The following AGMO variants were observed in gnomAD, a reference collection of about 807,000 sequenced individuals.
The protein encoded by AGMO is glyceryl-ether monooxygenase.
In AGMO, 75 loss-of-function variants were observed where a neutral mutation model predicts 60.2. The observed-to-expected ratio is 1.25, with a 90% CI of 1.03 to 1.51. AGMO has a LOEUF of 1.51. Ranked by LOEUF, AGMO falls within the 40% of genes most tolerant of loss-of-function variation. The pLI, the probability that AGMO is intolerant of heterozygous loss-of-function variation, is 0.00. For missense variants in AGMO, 763 were observed against 525.5 expected (o/e 1.45, Z -4.42); for synonymous variants, 261 against 177.1 (o/e 1.47, Z -3.76).
intron 12 of AGMO, among the ~76,000 whole-genome samples, chr7:15,229,176 C>T (rs1012059639): frequency 3.3e-5 from 5 of 151,956 alleles, no homozygotes; most frequent in African/African-American, 9.7e-5. Flanking sequence ...ATGTTGCCTC[C>T]GACAAACACA....
intron 3 of AGMO, among the ~76,000 whole-genome samples, chr7:15,436,034 G>A (rs781596278): frequency 6.6e-6 from 1 of 152,148 alleles, no homozygotes; most frequent in Non-Finnish European, 1.5e-5. Flanking sequence ...ACCTTGGAAT[G>A]ATGATGTTGG....
At chr7:15,321,877 C>A (rs1373325514) in intron 12 of AGMO, among the ~76,000 whole-genome samples, 1 of 151,980 alleles carries the variant, frequency 6.6e-6, no homozygotes, top group African/African-American at 2.4e-5. Context: ...ACTCACTCTT[C>A]AGAGCCCTAA....
At chr7:15,133,391 A>C in the AGMO span, among the ~76,000 whole-genome samples, 1 of 152,190 alleles carries the variant, frequency 6.6e-6, no homozygotes, top group Non-Finnish European at 1.5e-5. Flanking sequence ...AGATGGCAAA[A>C]GTGCTGAAAT....
At chr7:15,152,702 C>T in the AGMO span, among the ~76,000 whole-genome samples, 4 of 152,096 alleles carry the variant, frequency 2.6e-5, no homozygotes, top group African/African-American at 9.7e-5. Context: ...GAGTGGTATT[C>T]CATGATATAA....
At chr7:15,405,467 T>G (rs1000403481) in intron 5 of AGMO, among the ~76,000 whole-genome samples, 14 of 151,922 alleles carry the variant, frequency 9.2e-5, no homozygotes, top group African/African-American at 2.9e-4. Context: ...AGAGATTTAT[T>G]TTACGTGGTT....
At chr7:15,281,424 TGCACAAGGA>T (rs948489006) in intron 12 of AGMO, among the ~76,000 whole-genome samples, 8 of 152,160 alleles carry the variant, frequency 5.3e-5, no homozygotes, top group African/African-American at 1.9e-4. Context: ...GGTTCAGGCT[TGCACAAGGA>T]GTACAGTCAC....
the AGMO span, among the ~76,000 whole-genome samples, chr7:15,191,973 T>TCTCA: frequency 4.8e-5 from 7 of 144,746 alleles, no homozygotes; most frequent in Non-Finnish European, 1.1e-4. Context: ...TGTCTCTCTC[T>TCTCA]CACACACACA....
intron 12 of AGMO, among the ~76,000 whole-genome samples, chr7:15,204,166 T>C (rs533161473): frequency 6.6e-6 from 1 of 152,124 alleles, no homozygotes; most frequent in African/African-American, 2.4e-5. Flanking sequence ...TATATAAATA[T>C]TACATACAAT....
Position 15,359,130 on chromosome 7 carries a change from A to C in AGMO, c.1263+6384T>G, listed in dbSNP as rs368446109. ...TGGTGAAACCCCGTCTCCACTAAAA[A>C]TACACAAAATTAGCTGGGCATGGTG... On this transcript the variant is annotated intron_variant, in intron 12 of 12. Transcript: ENST00000342526. 3.3e-4 allele frequency among the ~76,000 whole-genome samples: 50 copies of C among 152,118 alleles called. No homozygotes were observed. The South Asian group carries it at 9.3e-3, about 28-fold the overall frequency.
intron 3 of AGMO, among the ~76,000 whole-genome samples, chr7:15,489,754 C>T (rs753689617): frequency 2.0e-5 from 3 of 152,074 alleles, no homozygotes; most frequent in Non-Finnish European, 4.4e-5. Flanking sequence ...TTTGTTAACC[C>T]GACATCATCT....
chr7:15,265,911 A>T (rs1374971305), intron 12 of AGMO, among the ~76,000 whole-genome samples: 2 of 152,174 alleles, frequency 1.3e-5, no homozygotes, highest in African/African-American at 4.8e-5. Flanking sequence ...GAGATAAGCG[A>T]AATATGGTAT....
intron 10 of AGMO, among the ~76,000 whole-genome samples, chr7:15,371,561 A>AT (rs886454030): frequency 1.3e-5 from 2 of 151,752 alleles, no homozygotes; most frequent in Non-Finnish European, 2.9e-5. Context: ...TACCCGACTA[A>AT]TTTTTTTGTA....
At chr7:15,293,127 A>T (rs1784321035) in intron 12 of AGMO, among the ~76,000 whole-genome samples, 1 of 152,090 alleles carries the variant, frequency 6.6e-6, no homozygotes. Flanking sequence ...TATTCATTCT[A>T]TGAGCCAGGT....
intron 12 of AGMO, among the ~76,000 whole-genome samples, chr7:15,301,612 A>C (rs538742409): frequency 6.6e-6 from 1 of 152,290 alleles, no homozygotes; most frequent in South Asian, 2.1e-4. Flanking sequence ...TGTAAGCAAA[A>C]GCATAGGAAT....
At chr7:15,315,491 C>G (rs1316774335) in intron 12 of AGMO, among the ~76,000 whole-genome samples, 1 of 151,778 alleles carries the variant, frequency 6.6e-6, no homozygotes. Context: ...GCATGCGCCA[C>G]CACGCCCAGC....
At chr7:15,298,104 ATGT>A (rs1784455445) in intron 12 of AGMO, among the ~76,000 whole-genome samples, 1 of 152,184 alleles carries the variant, frequency 6.6e-6, no homozygotes, top group Non-Finnish European at 1.5e-5. Flanking sequence ...ATATTATGTT[ATGT>A]TATGTCCTCT....
intron 3 of AGMO, among the ~76,000 whole-genome samples, chr7:15,537,865 T>G (rs538966180): frequency 8.5e-5 from 13 of 152,192 alleles, no homozygotes; most frequent in Non-Finnish European, 1.5e-4. Flanking sequence ...GAAAGGCCCC[T>G]CAAATCAGGC....
At chr7:15,438,080 TTAAACAAAA>T (rs1297870446) in intron 3 of AGMO, among the ~76,000 whole-genome samples, 1 of 152,120 alleles carries the variant, frequency 6.6e-6, no homozygotes, top group Non-Finnish European at 1.5e-5. Context: ...TTCTCAACAT[TTAAACAAAA>T]TAAAACGATA....
intron 4 of AGMO, among the ~76,000 whole-genome samples, chr7:15,428,876 T>A (rs1461260947): frequency 6.6e-6 from 1 of 152,064 alleles, no homozygotes; most frequent in African/African-American, 2.4e-5. Context: ...GAGAAATATA[T>A]AAGTCAGAAG....
Sources: allele counts gnomAD v4.1 joint callset (sites outside exome capture counted in the v4.1 genomes callset), GRCh38; gene constraint gnomAD v4.1.1; transcripts MANE v1.5; gene names NCBI Gene and HGNC (gene_info 2026-07-23, HGNC 2026-07-21).